The following NALCN variants were observed in gnomAD, a reference collection of about 807,000 sequenced individuals.
NALCN encodes the protein sodium leak channel NALCN.
In NALCN, 111 loss-of-function variants were observed where a neutral mutation model predicts 225.3. That is an observed-to-expected ratio of 0.49 (90% CI 0.42 to 0.58). The LOEUF is 0.58. NALCN is among the 20% of genes least tolerant of loss of function. NALCN has a pLI of 0.00. For missense variants in NALCN, 1,378 were observed against 2,202.4 expected, an observed-to-expected ratio of 0.63 and a Z score of 7.49; for synonymous variants, 764 against 769.0, an observed-to-expected ratio of 0.99 and a Z score of 0.11.
intron 10 of NALCN, among the ~76,000 whole-genome samples, chr13:101,258,986 A>G (rs1228379732): frequency 6.6e-6 from 1 of 152,188 alleles, no homozygotes; most frequent in Non-Finnish European, 1.5e-5. Flanking sequence ...TATTTTAGAG[A>G]TGATTATTAT....
intron 3 of NALCN, 109 bp downstream of exon 3, chr13:101,395,074 A>C (rs2139487564): frequency 9.1e-7 from 1 of 1,093,208 alleles, no homozygotes. Flanking sequence ...CATATGTATA[A>C]GATAAAATGA....
intron 39 of NALCN, among the ~76,000 whole-genome samples, chr13:101,065,794 C>A (rs895505865): frequency 2.6e-4 from 40 of 152,252 alleles, no homozygotes; most frequent in African/African-American, 8.9e-4. Context: ...TGGGATGTCA[C>A]CACATTGCAG....
intron 15 of NALCN, among the ~76,000 whole-genome samples, chr13:101,151,806 G>A (rs2037664947): frequency 6.6e-6 from 1 of 152,144 alleles, no homozygotes; most frequent in Middle Eastern, 3.2e-3. Context: ...GGGGCATCTG[G>A]AATAATGATC....
intron 2 of NALCN, among the ~76,000 whole-genome samples, chr13:101,398,043 T>C (rs2047366124): frequency 1.3e-5 from 2 of 152,034 alleles, no homozygotes; most frequent in Non-Finnish European, 2.9e-5. Context: ...GGGGCTCAAG[T>C]GGACAGTGTG....
chr13:101,230,520 T>C (rs947919234), intron 12 of NALCN, among the ~76,000 whole-genome samples: 1 of 152,224 alleles, frequency 6.6e-6, no homozygotes, highest in Non-Finnish European at 1.5e-5. Flanking sequence ...CTACGGAATG[T>C]GAGAGGAAAT....
At chr13:101,309,270 C>G (rs186366599) in intron 7 of NALCN, among the ~76,000 whole-genome samples, 57 of 152,122 alleles carry the variant, frequency 3.7e-4, no homozygotes, top group Non-Finnish European at 7.4e-4. Context: ...TCAGACATAC[C>G]AAAGAAATTC....
intron 7 of NALCN, among the ~76,000 whole-genome samples, chr13:101,317,260 G>C (rs146471131): frequency 6.6e-6 from 1 of 152,122 alleles, no homozygotes; most frequent in Non-Finnish European, 1.5e-5. Flanking sequence ...AATAATGTTT[G>C]ATATAGAACA....
intron 7 of NALCN, among the ~76,000 whole-genome samples, chr13:101,330,739 G>GTGTCC: frequency 6.6e-6 from 1 of 152,160 alleles, no homozygotes; most frequent in Non-Finnish European, 1.5e-5. Flanking sequence ...GAGGGATTCA[G>GTGTCC]TGGGAGGTAA....
At chr13:101,067,250 T>TGAGGTGGAAGAG (rs1594130637) in intron 39 of NALCN, among the ~76,000 whole-genome samples, 1 of 96,818 alleles carries the variant, frequency 1.0e-5, no homozygotes, top group South Asian at 3.8e-4. Context: ...GGGGGGAAGA[T>TGAGGTGGAAGAG]GAGGTGGAAG....
At chr13:101,208,953 T>G (rs1401107182) in intron 13 of NALCN, among the ~76,000 whole-genome samples, 1 of 152,220 alleles carries the variant, frequency 6.6e-6, no homozygotes, top group African/African-American at 2.4e-5. Context: ...CAGGTATTTC[T>G]TTATAGCAAT....
At chr13:101,412,744 C>T (rs1033416831) in intron 1 of NALCN, among the ~76,000 whole-genome samples, 2 of 152,156 alleles carry the variant, frequency 1.3e-5, no homozygotes, top group African/African-American at 4.8e-5. Flanking sequence ...GATTCTGCAG[C>T]CTAGGAAAGA....
chr13:101,075,188 T>TA (rs2033172683), intron 35 of NALCN, among the ~76,000 whole-genome samples: 3 of 152,054 alleles, frequency 2.0e-5, no homozygotes, highest in Admixed American at 6.6e-5. Flanking sequence ...AACAGCATTG[T>TA]AAAAAATGAA....
intron 11 of NALCN, among the ~76,000 whole-genome samples, chr13:101,253,850 T>C (rs2042133461): frequency 6.7e-6 from 1 of 149,880 alleles, no homozygotes. Flanking sequence ...AAATGTTTAC[T>C]ATCTGGGTCT....
intron 3 of NALCN, among the ~76,000 whole-genome samples, chr13:101,379,725 G>A (rs953530023): frequency 4.6e-5 from 7 of 152,074 alleles, no homozygotes; most frequent in African/African-American, 1.7e-4. Flanking sequence ...GAGGTGGGGG[G>A]CTAGGAGAGG....
intron 7 of NALCN, among the ~76,000 whole-genome samples, chr13:101,325,730 T>A (rs1036870836): frequency 6.6e-6 from 1 of 152,184 alleles, no homozygotes; most frequent in South Asian, 2.1e-4. Flanking sequence ...GTGTCTCTCC[T>A]TTTAGGTTTA....
At chr13:101,186,458 C>T (rs1028549687) in intron 14 of NALCN, among the ~76,000 whole-genome samples, 1 of 152,140 alleles carries the variant, frequency 6.6e-6, no homozygotes, top group African/African-American at 2.4e-5. Flanking sequence ...AAGCCCATTA[C>T]AGTAACTGTT....
At chr13:101,081,441 G>A (rs1405011409) in intron 34 of NALCN, 86 bp downstream of exon 34, 4 of 1,582,400 alleles carry the variant, frequency 2.5e-6, no homozygotes, top group Non-Finnish European at 2.6e-6. Flanking sequence ...GGTTGATGTG[G>A]AGTAAAATGA....
intron 2 of NALCN, among the ~76,000 whole-genome samples, chr13:101,398,434 C>T (rs2047376511): frequency 1.3e-5 from 2 of 152,126 alleles, no homozygotes; most frequent in Non-Finnish European, 2.9e-5. Context: ...GATTCCAGCA[C>T]TCATGGATAT....
chr13:101,232,687 C>G (rs754250584), intron 12 of NALCN, among the ~76,000 whole-genome samples: 2 of 152,012 alleles, frequency 1.3e-5, no homozygotes, highest in Non-Finnish European at 2.9e-5. Context: ...ACCTCGTGAT[C>G]CGCCTGCCTC....
Sources: allele counts gnomAD v4.1 joint callset (sites outside exome capture counted in the v4.1 genomes callset), GRCh38; gene constraint gnomAD v4.1.1; transcripts MANE v1.5; gene names NCBI Gene and HGNC (gene_info 2026-07-23, HGNC 2026-07-21).